The following SEC16A variants were observed in gnomAD, a reference collection of about 807,000 sequenced individuals.
The protein encoded by SEC16A is protein transport protein Sec16A.
In SEC16A, 110 loss-of-function variants were observed where a neutral mutation model predicts 221.9. The observed-to-expected ratio is 0.50, with a 90% CI of 0.42 to 0.58. The LOEUF is 0.58. Among genes scored for constraint, SEC16A ranks in the 20% least tolerant of loss-of-function variants. SEC16A has a pLI of 0.00. For missense variants in SEC16A, 3,165 were observed against 3,097.8 expected (o/e 1.02, Z -0.52); for synonymous variants, 1,393 against 1,257.7 (o/e 1.11, Z -2.28).
At chr9:136,469,268 T>G (rs1840555544) in intron 4 of SEC16A, among the ~76,000 whole-genome samples, 1 of 152,120 alleles carries the variant, frequency 6.6e-6, no homozygotes, top group Non-Finnish European at 1.5e-5. Context: ...GTGTGTGTGC[T>G]CCTGGAGCGG....
intron 1 of SEC16A, among the ~76,000 whole-genome samples, chr9:136,479,949 C>T (rs1589026564): frequency 6.6e-6 from 1 of 151,852 alleles, no homozygotes; most frequent in East Asian, 1.9e-4. Context: ...CTGCAGTGAG[C>T]CTTGTTCAAG....
chr9:136,467,203 A>T lies in SEC16A; in HGVS notation c.3803-120T>A, dbSNP rs59857197. On this transcript the variant is annotated intron_variant, in intron 5 of 31. Coordinates refer to ENST00000684901, the MANE Select transcript of SEC16A (RefSeq NM_014866.2). Reference sequence around the variant, plus strand: ...GCTCCAAGGACTCCTCGAGAAACCCAGCTTCTTCCTGGAAACCAGCACGAC... The same window carrying T: ...GCTCCAAGGACTCCTCGAGAAACCCTGCTTCTTCCTGGAAACCAGCACGAC... 6.2e-5 allele frequency: 73 copies of T among 1,171,634 alleles called. No homozygotes were observed. The Middle Eastern group carries it at 1.3e-3, about 20-fold the overall frequency. 72.6% of individuals were successfully genotyped at this position (1,171,634 alleles called of 1,614,324 possible).
rs745923440 is a variant in SEC16A, at chr9:136,477,022, T to G, written c.594A>C (p.Pro198=). ...RQNPHDGVVT[P]AASPSLPQPG... is the part of the protein sequence containing the mutation. ...GCTGAGGGAGGGAAGGGGATGCTGC[T>G]GGGGTGACCACACCGTCATGTGGGT... is the stretch of plus-strand genomic sequence containing the variant. The change falls in exon 3 of 32, where the codon CCA becomes CCC. Residue 198 remains proline, a synonymous_variant. Coordinates refer to ENST00000684901, the MANE Select transcript of SEC16A (RefSeq NM_014866.2). 1 of 1,613,522 alleles carries G rather than the reference T, an allele frequency of 6.2e-7. No individual in the cohort carries two copies. Among genetic ancestry groups the G allele is most frequent in the Admixed American group, 1.7e-5 (1 of 60,010 alleles).
intron 20 of SEC16A, among the ~76,000 whole-genome samples, chr9:136,454,888 A>C (rs1838391393): frequency 6.6e-6 from 1 of 152,188 alleles, no homozygotes. Flanking sequence ...ACTGGACATC[A>C]GGCAGGGAGG....
rs976923298 is a variant in SEC16A at position 136,447,464 on chromosome 9, C to T, written c.6560-100G>A. On this transcript the variant is annotated intron_variant, in intron 26 of 31. Coordinates refer to ENST00000684901, the MANE Select transcript of SEC16A (RefSeq NM_014866.2). The surrounding 1 kb of genome is among the most constrained non-coding windows in gnomAD (Gnocchi z 5.5). The stretch of plus-strand genomic sequence containing the variant: ...GCGTCAGAGGAAAAGCACGCAGGGA[C>T]GTGCGGGAAGCCACCTCCTCCCCAC... 7.1e-6 allele frequency: 11 copies of T among 1,558,458 alleles called. No homozygotes were observed. The highest frequency in any genetic ancestry group is 5.7e-5 in the Admixed American group (3 of 53,080).
chr9:136,455,866 C>T (rs1838580683), intron 19 of SEC16A, 73 bp from the exon 20 acceptor site: 26 of 1,435,110 alleles, frequency 1.8e-5, no homozygotes, highest in South Asian at 5.4e-5. Context: ...CTGCCACCAC[C>T]GCGCTTGCTG....
In SEC16A at chr9:136,460,065, C is replaced by T. The variant is rs201051805; in HGVS notation, c.5050G>A (p.Gly1684Arg). 1.5e-4 allele frequency: 246 copies of T among 1,605,830 alleles called. No individual in the cohort carries two copies. Among genetic ancestry groups the T allele is most frequent in the Non-Finnish European group, 1.7e-4 (198 of 1,176,294 alleles). ...PLQTVYQLMSGRMPAASTCCG... is the reference protein window; with the variant it reads ...PLQTVYQLMSRRMPAASTCCG... ...ACCGTGGACGCGGCAGGCATCCGTC[C>T]GGACATGAGCTGGTAGACTGTCTGC... Residue 1684 changes from glycine (G) to arginine (R), a missense_variant, in exon 14 of 32, where the codon GGA (glycine) becomes AGA (arginine). By Grantham distance (125) the Gly-to-Arg change is moderately radical. Transcript: ENST00000684901.
In SEC16A at chr9:136,454,235, G is replaced by A. The variant is rs1006237082; in HGVS notation, c.5950C>T (p.Pro1984Ser). ...PLPPGPLEPG[P>S]GCVTPGPALG... Reference sequence around the variant, plus strand: ...GCAGGCCCTGGGGTCACACAGCCAGGACCCGGCTCCAGGGGCCCCGGGGGC... The same window carrying A: ...GCAGGCCCTGGGGTCACACAGCCAGAACCCGGCTCCAGGGGCCCCGGGGGC... Residue 1984 changes from proline to serine, a missense_variant, in exon 21 of 32, where the codon CCT becomes TCT. Around this residue, in one of 3 missense-constraint regions of SEC16A, gnomAD observed 1,088 missense variants for 1,089.6 expected, o/e 1.00. Transcript: ENST00000684901. The A allele has an allele frequency of 2.5e-6, 4 of 1,572,706 alleles. No individual in the cohort carries two copies. The highest frequency in any genetic ancestry group is 3.8e-5 in the Admixed American group (2 of 53,254).
intron 1 of SEC16A, among the ~76,000 whole-genome samples, chr9:136,479,473 C>T (rs1007565738): frequency 9.9e-5 from 15 of 152,234 alleles, no homozygotes; most frequent in Admixed American, 2.0e-4. Flanking sequence ...CTGCCTCAGC[C>T]TCCTGAGCAG....
chr9:136,482,628 C>T (rs982881984), intron 1 of SEC16A, among the ~76,000 whole-genome samples: 1 of 152,266 alleles, frequency 6.6e-6, no homozygotes, highest in African/African-American at 2.4e-5. Flanking sequence ...AGTTAAGAGT[C>T]TTACGAGGGG....
Position 136,476,824 on chromosome 9 carries a change from T to C in SEC16A, c.792A>G (p.Gln264=). ...SILHQGPGHE[Q]HSPLVAPPAA... ...CTGGGGGAGCCACCAGAGGGCTGTGTTGCTCATGACCAGGGCCCTGATGTA... is the reference window on the plus strand; with the variant it reads ...CTGGGGGAGCCACCAGAGGGCTGTGCTGCTCATGACCAGGGCCCTGATGTA... Residue 264 remains glutamine, a synonymous_variant, in exon 3 of 32, where the codon CAA becomes CAG. Coordinates refer to ENST00000684901, the MANE Select transcript of SEC16A (RefSeq NM_014866.2). 6.2e-7 allele frequency: 1 copy of C among 1,612,402 alleles called. No individual in the cohort carries two copies. The highest frequency in any genetic ancestry group is 8.5e-7 in the Non-Finnish European group (1 of 1,178,988).
Position 136,464,514 on chromosome 9 carries a change from C to T in SEC16A, c.4352G>A (p.Cys1451Tyr). The change falls in exon 9 of 32, where the codon TGT becomes TAT. Residue 1451 changes from cysteine (C) to tyrosine (Y), a missense_variant. Physicochemically the swap from Cys to Tyr is radical, Grantham distance 194. This residue lies in a region of SEC16A where 2,030 missense variants were observed against 1,923.1 expected (regional missense o/e 1.06). Coordinates refer to ENST00000684901, the MANE Select transcript of SEC16A (RefSeq NM_014866.2). Reference protein sequence around the residue: ...SPEKFSVPHVCARFGPGGQLI... With the variant: ...SPEKFSVPHVYARFGPGGQLI... ...CTGACCGCCAGGGCCAAACCTGGCA[C>T]AGACATGAGGCACTGAAAATTTTTC... 6.2e-7 allele frequency: 1 copy of T among 1,611,368 alleles called. No homozygotes were observed. Among genetic ancestry groups the T allele is most frequent in the Non-Finnish European group, 8.5e-7 (1 of 1,177,742 alleles).
In SEC16A at chr9:136,476,539, A is replaced by G; in HGVS notation, c.1077T>C (p.Cys359=). The change falls in exon 3 of 32, where the codon TGT becomes TGC. Residue 359 remains cysteine (C), a synonymous_variant. Transcript: ENST00000684901. ...CTCCTGAGTCTGCTTCTAGCGGGGCACAGCCAGACCCGGCCCCAGCCCCCA... is the reference window on the plus strand; with the variant it reads ...CTCCTGAGTCTGCTTCTAGCGGGGCGCAGCCAGACCCGGCCCCAGCCCCCA... ...HPLGAGAGSG[C]APLEADSGAS... is the part of the protein sequence containing the mutation. The G allele has an allele frequency of 6.2e-7, 1 of 1,612,220 alleles. No homozygotes were observed. Among genetic ancestry groups the G allele is most frequent in the South Asian group, 1.1e-5 (1 of 91,038 alleles).
Position 136,470,132 on chromosome 9 carries a change from C to T in SEC16A, c.3705-1620G>A, listed in dbSNP as rs560942337. Among the ~76,000 whole-genome samples, 50 of 152,330 alleles carry T rather than the reference C, an allele frequency of 3.3e-4. No individual in the cohort carries two copies. The East Asian group carries it at 6.0e-3, about 18-fold the overall frequency. Reference sequence around the variant, plus strand: ...CAAGCACGGAGGCTGAACAAACATGCAAGACGTGTGCTCCCCAACCAAAGC... The same window carrying T: ...CAAGCACGGAGGCTGAACAAACATGTAAGACGTGTGCTCCCCAACCAAAGC... On this transcript the variant is annotated intron_variant, in intron 4 of 31. Coordinates refer to ENST00000684901, the MANE Select transcript of SEC16A (RefSeq NM_014866.2).
In SEC16A at chr9:136,441,611, G is replaced by T; in HGVS notation, c.*144C>A. The T allele has an allele frequency of 3.1e-6, 2 of 642,482 alleles. No individual in the cohort carries two copies. Among genetic ancestry groups the T allele is most frequent in the Non-Finnish European group, 2.9e-6 (1 of 350,206 alleles). The allele number at this position is 642,482 out of a possible 1,614,324, so 39.8% of individuals were successfully genotyped here. ...AAAATAATTCATTACGATGGGCGGTGAGGAGGGAGGCACAGTGTGCGACCA... is the reference window on the plus strand; with the variant it reads ...AAAATAATTCATTACGATGGGCGGTTAGGAGGGAGGCACAGTGTGCGACCA... On this transcript the variant is annotated 3_prime_UTR_variant, in exon 32 of 32. Coordinates refer to ENST00000684901, the MANE Select transcript of SEC16A (RefSeq NM_014866.2).
At chr9:136,469,608 G>A (rs1437716423) in intron 4 of SEC16A, among the ~76,000 whole-genome samples, 1 of 152,260 alleles carries the variant, frequency 6.6e-6, no homozygotes, top group Non-Finnish European at 1.5e-5. Flanking sequence ...TAAGGCTACA[G>A]TGAGCTATGA....
intron 5 of SEC16A, 111 bp downstream of exon 5, chr9:136,468,304 G>A: frequency 1.7e-6 from 1 of 591,816 alleles, no homozygotes; most frequent in South Asian, 2.3e-5. Flanking sequence ...AATAAAAGGG[G>A]ACATTTCCTG....
intron 19 of SEC16A, 74 bp downstream of exon 19, chr9:136,455,979 T>G (rs1283781554): frequency 3.1e-6 from 4 of 1,306,886 alleles, no homozygotes; most frequent in Non-Finnish European, 4.3e-6. Flanking sequence ...AGATACATAC[T>G]TTCAGTGTGG....
In SEC16A at chr9:136,466,897, G is replaced by C; in HGVS notation, c.3929+60C>G. 6.4e-7 allele frequency: 1 copy of C among 1,557,184 alleles called. No homozygotes were observed. The highest frequency in any genetic ancestry group is 1.4e-5 in the African/African-American group (1 of 73,544). On this transcript the variant is annotated intron_variant, in intron 6 of 31. Transcript: ENST00000684901. The surrounding 1 kb of genome is among the most constrained non-coding windows in gnomAD (Gnocchi z 5.5). ...GTTAAAACCCAGACATGAGGGCAGA[G>C]AAGCACTAGCGCGCCCTGGCTGCCC...
Sources: allele counts gnomAD v4.1 joint callset (sites outside exome capture counted in the v4.1 genomes callset), GRCh38; gene constraint gnomAD v4.1.1; regional missense constraint gnomAD v4.1.1; non-coding constraint Gnocchi (gnomAD v3.1); transcripts MANE v1.5; gene names NCBI Gene and HGNC (gene_info 2026-07-23, HGNC 2026-07-21).